SEMA5A: variants seen among roughly 807,000 people sequenced by gnomAD.
SEMA5A encodes semaphorin-5A.
In SEMA5A, 55 loss-of-function variants were observed where a neutral mutation model predicts 135.5. The observed-to-expected ratio is 0.41, with a 90% CI of 0.33 to 0.51. The LOEUF is 0.51. SEMA5A is among the 20% of genes least tolerant of loss of function. SEMA5A has a pLI of 0.37. For missense variants in SEMA5A, 1,290 were observed against 1,419.9 expected, an observed-to-expected ratio of 0.91 and a Z score of 1.47; for synonymous variants, 580 against 546.5, an observed-to-expected ratio of 1.06 and a Z score of -0.85.
At position 9,156,918 on chromosome 5, in the gene SEMA5A, G is replaced by A. The variant is rs1806140; in HGVS notation, c.1274-2223C>T. On this transcript the variant is annotated intron_variant, in intron 11 of 22. Transcript: ENST00000382496. Reference sequence around the variant, plus strand: ...AAGAATCAAATTTTTAAAGATCTGTGATAGTTTGACTTAAAAGAGTGAGCC... The same window carrying A: ...AAGAATCAAATTTTTAAAGATCTGTAATAGTTTGACTTAAAAGAGTGAGCC... Among the ~76,000 whole-genome samples, 1,006 of 152,366 alleles carry A rather than the reference G, an allele frequency of 6.6e-3. 6 individuals carry two copies. The highest frequency in any genetic ancestry group is 9.6e-3 in the Admixed American group (147 of 15,314).
chr5:9,240,802 AC>A, intron 5 of SEMA5A, among the ~76,000 whole-genome samples: 1 of 152,206 alleles, frequency 6.6e-6, no homozygotes, highest in South Asian at 2.1e-4. Flanking sequence ...AACAAGTCTC[AC>A]TACTGATTTG....
chr5:9,383,123 T>C (rs1416756755), intron 2 of SEMA5A, among the ~76,000 whole-genome samples: 1 of 152,208 alleles, frequency 6.6e-6, no homozygotes. Flanking sequence ...TCATTGTCCC[T>C]GGATTATAAC....
chr5:9,424,847 A>G (rs1165046197), intron 2 of SEMA5A, among the ~76,000 whole-genome samples: 1 of 152,192 alleles, frequency 6.6e-6, no homozygotes, highest in African/African-American at 2.4e-5. Flanking sequence ...ACAACCCTGT[A>G]GTCTGTGCCA....
At chr5:9,086,439 G>T (rs1342532104) in intron 16 of SEMA5A, among the ~76,000 whole-genome samples, 1 of 152,104 alleles carries the variant, frequency 6.6e-6, no homozygotes, top group African/African-American at 2.4e-5. Flanking sequence ...AGTCTCACAA[G>T]ATCTGATGGT....
At position 9,132,044 on chromosome 5, in the gene SEMA5A, C is replaced by T. The variant is rs548220782; in HGVS notation, c.1599+4460G>A. ...TGCCAATTTAGATTTTACTGATGCA[C>T]TTCAAATCTCTTAAACTGAGAGTAA... is the stretch of plus-strand genomic sequence containing the variant. On this transcript the variant is annotated intron_variant, in intron 13 of 22. Coordinates refer to ENST00000382496, the MANE Select transcript of SEMA5A (RefSeq NM_003966.3). 4.6e-5 allele frequency among the ~76,000 whole-genome samples: 7 copies of T among 152,288 alleles called. No individual in the cohort carries two copies. In the South Asian group the frequency reaches 1.5e-3, roughly 32 times the overall value.
chr5:9,529,326 G>A (rs1579692327), intron 1 of SEMA5A, among the ~76,000 whole-genome samples: 3 of 152,292 alleles, frequency 2.0e-5, no homozygotes, highest in South Asian at 2.1e-4. Flanking sequence ...CAGGCTTCTC[G>A]GCACCTTTCC....
rs148192907 is a variant in SEMA5A at position 9,315,064 on chromosome 5, C to T, written c.270+3308G>A. Among the ~76,000 whole-genome samples, 132 of 152,276 alleles carry T rather than the reference C, an allele frequency of 8.7e-4. 1 individual carries two copies. The highest frequency in any genetic ancestry group is 3.1e-3 in the African/African-American group (128 of 41,552). On this transcript the variant is annotated intron_variant, in intron 5 of 22. Transcript: ENST00000382496. ...GAAAAGTACAATCAGTTTCCTTGAC[C>T]TCACAAAAATATATACACATGAGTT...
At chr5:9,094,323 C>A (rs2150129607) in intron 16 of SEMA5A, among the ~76,000 whole-genome samples, 2 of 152,134 alleles carry the variant, frequency 1.3e-5, no homozygotes, top group African/African-American at 4.8e-5. Context: ...TTCAAATGAA[C>A]AGTATCATGT....
At chr5:9,411,962 A>T (rs72729105) in intron 2 of SEMA5A, among the ~76,000 whole-genome samples, 41 of 1,416 alleles carry the variant, frequency 0.029, 1 homozygote, top group Non-Finnish European at 0.25. Context: ...AAAAAAAAAA[A>T]AAAAATTAAT....
At chr5:9,051,208 A>G (rs1308150323) in intron 20 of SEMA5A, among the ~76,000 whole-genome samples, 2 of 152,218 alleles carry the variant, frequency 1.3e-5, no homozygotes, top group Non-Finnish European at 2.9e-5. Flanking sequence ...GACGAAAGAA[A>G]ACAAAGAAAA....
At chr5:9,418,664 T>C (rs1757364319) in intron 2 of SEMA5A, among the ~76,000 whole-genome samples, 1 of 152,100 alleles carries the variant, frequency 6.6e-6, no homozygotes, top group Non-Finnish European at 1.5e-5. Context: ...CACTAAACCA[T>C]AAGCTCTTTA....
intron 8 of SEMA5A, among the ~76,000 whole-genome samples, chr5:9,208,105 ACAGT>A (rs1379698851): frequency 1.3e-5 from 2 of 152,352 alleles, no homozygotes; most frequent in East Asian, 3.9e-4. Flanking sequence ...CATCCAACAT[ACAGT>A]ATCATTGTGA....
chr5:9,168,066 A>G (rs1201425365), intron 11 of SEMA5A, among the ~76,000 whole-genome samples: 1 of 152,098 alleles, frequency 6.6e-6, no homozygotes, highest in Non-Finnish European at 1.5e-5. Context: ...CACCCCTCTC[A>G]CTGCCCACTC....
At chr5:9,093,614 G>A (rs1263961656) in intron 16 of SEMA5A, among the ~76,000 whole-genome samples, 1 of 152,112 alleles carries the variant, frequency 6.6e-6, no homozygotes. Context: ...GGCTGAGGCA[G>A]GAGAATCGGT....
rs1745929768 is a variant in SEMA5A at position 9,204,970 on chromosome 5, T to A, written c.647-2730A>T. On this transcript the variant is annotated intron_variant, in intron 8 of 22. Coordinates refer to ENST00000382496, the MANE Select transcript of SEMA5A (RefSeq NM_003966.3). This position sits in a 1 kb window ranked among gnomAD's most constrained non-coding sequence, Gnocchi z 6.4. Reference sequence around the variant, plus strand: ...ATCTGAGGCAGAACAGTTTCATCCCTAAACCATCCCCTCTATCCTCCCTGC... The same window carrying A: ...ATCTGAGGCAGAACAGTTTCATCCCAAAACCATCCCCTCTATCCTCCCTGC... Among the ~76,000 whole-genome samples the A allele has an allele frequency of 6.6e-6, 1 of 152,176 alleles. No homozygotes were observed. The highest frequency in any genetic ancestry group is 1.5e-5 in the Non-Finnish European group (1 of 68,034).
intron 1 of SEMA5A, among the ~76,000 whole-genome samples, chr5:9,527,084 T>G (rs538823762): frequency 6.6e-6 from 1 of 151,728 alleles, no homozygotes; most frequent in Admixed American, 6.6e-5. Context: ...ACACAAGGGA[T>G]AGTGCAGCGA....
chr5:9,243,584 A>C (rs1461445267), intron 5 of SEMA5A, among the ~76,000 whole-genome samples: 1 of 152,194 alleles, frequency 6.6e-6, no homozygotes, highest in Non-Finnish European at 1.5e-5. Context: ...GCTTTGCCAC[A>C]AATTAGTTGC....
chr5:9,094,885 C>A (rs553063398), intron 16 of SEMA5A, among the ~76,000 whole-genome samples: 1 of 151,948 alleles, frequency 6.6e-6, no homozygotes, highest in Non-Finnish European at 1.5e-5. Context: ...AGGAATGTGA[C>A]ATGGAATGTG....
intron 13 of SEMA5A, among the ~76,000 whole-genome samples, chr5:9,128,812 C>T (rs987140594): frequency 1.3e-5 from 2 of 152,126 alleles, no homozygotes; most frequent in Non-Finnish European, 2.9e-5. Context: ...AGAGTTTCTC[C>T]ACATCGGCAC....
Sources: allele counts gnomAD v4.1 joint callset (sites outside exome capture counted in the v4.1 genomes callset), GRCh38; gene constraint gnomAD v4.1.1; non-coding constraint Gnocchi (gnomAD v3.1); transcripts MANE v1.5; gene names NCBI Gene and HGNC (gene_info 2026-07-23, HGNC 2026-07-21).